NGEF: variants seen among roughly 807,000 people sequenced by gnomAD.
The protein encoded by NGEF is ephexin-1.
Under a neutral mutation model 80.9 loss-of-function variants are expected in NGEF, and 31 were observed. The ratio of observed to expected loss-of-function variants is 0.38; its 90% CI spans 0.29 to 0.52. NGEF has a LOEUF of 0.52. Among genes scored for constraint, NGEF ranks in the 20% least tolerant of loss-of-function variants. The pLI is 0.84. For synonymous variants in NGEF, 371 were observed against 370.2 expected (o/e 1.00, Z -0.03); for missense variants, 709 against 926.2 (o/e 0.77, Z 3.04).
At chr2:232,880,103 G>C (rs914629099) in intron 14 of NGEF, among the ~76,000 whole-genome samples, 2 of 152,150 alleles carry the variant, frequency 1.3e-5, no homozygotes, top group African/African-American at 2.4e-5. Flanking sequence ...GGTGGCAGCC[G>C]AGCATGTGGT....
At chr2:232,974,512 T>C (rs1173340417) in intron 2 of NGEF, 111 bp downstream of exon 2, 192 of 1,284,724 alleles carry the variant, frequency 1.5e-4, no homozygotes, top group Non-Finnish European at 2.1e-4. Context: ...GAAACTGTCC[T>C]TGGTACTTTT....
chr2:232,924,918 C>T (rs1000283606), intron 4 of NGEF, among the ~76,000 whole-genome samples: 1 of 152,184 alleles, frequency 6.6e-6, no homozygotes, highest in African/African-American at 2.4e-5. Context: ...TTACCTGATA[C>T]AGTGTGTAAC....
At position 232,881,152 on chromosome 2, in the gene NGEF, C is replaced by A. The variant is rs1405415688; in HGVS notation, c.1936G>T (p.Asp646Tyr). The change falls in exon 14 of 15, where the codon GAC (aspartate) becomes TAC (tyrosine). Residue 646 changes from aspartate (D) to tyrosine (Y), a missense_variant. Transcript: ENST00000264051. ...GGAGGTCCCTGGGCCTCACCGTCGT[C>A]AGTCTTGTCCAGGATGTTGAGGATG... ...ADILNILDKT[D>Y]DGWIFGERLH... 1.2e-6 allele frequency: 2 copies of A among 1,612,180 alleles called. No homozygotes were observed. The highest frequency in any genetic ancestry group is 1.3e-5 in the African/African-American group (1 of 74,932).
intron 1 of NGEF, among the ~76,000 whole-genome samples, chr2:232,986,265 A>G (rs559775463): frequency 6.6e-6 from 1 of 152,338 alleles, no homozygotes; most frequent in South Asian, 2.1e-4. Context: ...GGTGGTAGGA[A>G]CGTAAATTGG....
At chr2:232,907,868 G>A (rs1437882375) in intron 5 of NGEF, among the ~76,000 whole-genome samples, 1 of 152,096 alleles carries the variant, frequency 6.6e-6, no homozygotes, top group Non-Finnish European at 1.5e-5. Context: ...CCGCACTTTG[G>A]GAGGCCGAGG....
At chr2:232,945,288 C>T (rs4973579) in intron 3 of NGEF, among the ~76,000 whole-genome samples, 91,506 of 151,666 alleles carry the variant, frequency 0.6, 27,830 homozygotes, top group South Asian at 0.67. Context: ...AAAAAAGAGG[C>T]AAATTTTACA....
At chr2:232,917,800 G>T (rs537428803) in intron 5 of NGEF, among the ~76,000 whole-genome samples, 1 of 152,058 alleles carries the variant, frequency 6.6e-6, no homozygotes, top group East Asian at 1.9e-4. Flanking sequence ...TTGAGACAGA[G>T]TCTTGCTCTG....
intron 3 of NGEF, among the ~76,000 whole-genome samples, chr2:232,948,894 C>T (rs1445871421): frequency 1.3e-5 from 2 of 151,874 alleles, no homozygotes; most frequent in African/African-American, 2.4e-5. Context: ...GGTGGGCACC[C>T]GTAATCCCAG....
chr2:232,976,538 A>G (rs980957793), intron 1 of NGEF, among the ~76,000 whole-genome samples: 4 of 152,190 alleles, frequency 2.6e-5, no homozygotes, highest in Admixed American at 6.5e-5. Flanking sequence ...CTTTCTGGGT[A>G]GGGGGATTTG....
intron 14 of NGEF, 65 bp downstream of exon 14, chr2:232,881,081 C>T (rs550655678): frequency 1.2e-5 from 16 of 1,307,642 alleles, no homozygotes; most frequent in Admixed American, 1.7e-5. Context: ...GCTTCTCCCC[C>T]TCCCCGTCAT....
chr2:233,003,601 C>T (rs565008167), intron 1 of NGEF, among the ~76,000 whole-genome samples: 1 of 152,172 alleles, frequency 6.6e-6, no homozygotes, highest in Non-Finnish European at 1.5e-5. Context: ...TGCCCTACCA[C>T]CCCCACTGAA....
intron 5 of NGEF, among the ~76,000 whole-genome samples, chr2:232,909,722 C>T (rs1367907825): frequency 6.6e-6 from 1 of 152,094 alleles, no homozygotes; most frequent in Non-Finnish European, 1.5e-5. Flanking sequence ...TCTCCCCACG[C>T]TCCCCCCACA....
chr2:232,951,027 G>T (rs368759291), intron 3 of NGEF, among the ~76,000 whole-genome samples: 1 of 152,162 alleles, frequency 6.6e-6, no homozygotes, highest in Non-Finnish European at 1.5e-5. Flanking sequence ...TCCGGCATGC[G>T]GCTGGCTGTT....
chr2:232,891,308 C>T, intron 8 of NGEF, 50 bp downstream of exon 8: 1 of 1,607,752 alleles, frequency 6.2e-7, no homozygotes, highest in Non-Finnish European at 8.5e-7. Flanking sequence ...GGAATGACCA[C>T]AGCAAAGCCT....
At chr2:232,951,867 A>G (rs1473252731) in intron 3 of NGEF, among the ~76,000 whole-genome samples, 1 of 152,122 alleles carries the variant, frequency 6.6e-6, no homozygotes, top group Non-Finnish European at 1.5e-5. Flanking sequence ...GGGAATTTTG[A>G]GTGGCAGGTT....
At chr2:232,963,804 C>T (rs1488010814) in intron 3 of NGEF, among the ~76,000 whole-genome samples, 1 of 151,662 alleles carries the variant, frequency 6.6e-6, no homozygotes, top group Non-Finnish European at 1.5e-5. Context: ...CAGAGAGAGA[C>T]TCCATCTCAA....
rs575820236 is a variant in NGEF at position 232,881,268 on chromosome 2, C to A, written c.1838-18G>T. The A allele has an allele frequency of 1.9e-6, 3 of 1,590,780 alleles. No individual in the cohort carries two copies. The highest frequency in any genetic ancestry group is 2.6e-6 in the Non-Finnish European group (3 of 1,168,964). ...GGGGCAGTCTGAGGGACAAGAGGCA[C>A]GGGCACATCCCCACCACCGCACTAC... On this transcript the variant is annotated intron_variant, in intron 13 of 14. Transcript: ENST00000264051.
chr2:232,965,314 T>C (rs1694033961), intron 3 of NGEF, among the ~76,000 whole-genome samples: 1 of 152,088 alleles, frequency 6.6e-6, no homozygotes. Flanking sequence ...GAGAGCAAAA[T>C]GGACTTCAAT....
At chr2:232,889,091 T>G (rs1447120426) in intron 8 of NGEF, among the ~76,000 whole-genome samples, 1 of 152,198 alleles carries the variant, frequency 6.6e-6, no homozygotes, top group East Asian at 1.9e-4. Context: ...TGCCCGCCTC[T>G]GCCTGGCAGC....
Sources: allele counts gnomAD v4.1 joint callset (sites outside exome capture counted in the v4.1 genomes callset), GRCh38; gene constraint gnomAD v4.1.1; transcripts MANE v1.5; gene names NCBI Gene and HGNC (gene_info 2026-07-23, HGNC 2026-07-21).